The following SLC9A9 variants were observed in gnomAD, a reference collection of about 807,000 sequenced individuals.
SLC9A9 encodes solute carrier family 9 member A9.
Under a neutral mutation model 77.8 loss-of-function variants are expected in SLC9A9, and 62 were observed. The ratio of observed to expected loss-of-function variants is 0.80; its 90% CI spans 0.65 to 0.98. The LOEUF (loss-of-function observed/expected upper bound fraction) is 0.98, where lower values mean the gene tolerates loss of function less well. Ranked by LOEUF, SLC9A9 falls within the 50% of genes least tolerant of loss-of-function variation. The pLI, the probability that SLC9A9 is intolerant of heterozygous loss-of-function variation, is 0.00. For synonymous variants in SLC9A9, 320 were observed against 283.5 expected, an observed-to-expected ratio of 1.13 and a Z score of -1.29; for missense variants, 775 against 774.9, an observed-to-expected ratio of 1.00 and a Z score of 0.00.
At position 143,558,946 on chromosome 3, in the gene SLC9A9, G is replaced by A. The variant is rs577625651; in HGVS notation, c.1001-6496C>T. ...GTTCCCATAATCCCCATGTGTCATG[G>A]GAGGGTCCTGGTGGGAAGTAATTGG... On this transcript the variant is annotated intron_variant, in intron 8 of 15. Coordinates refer to ENST00000316549, the MANE Select transcript of SLC9A9 (RefSeq NM_173653.4). 2.0e-5 allele frequency among the ~76,000 whole-genome samples: 3 copies of A among 152,228 alleles called. No individual in the cohort carries two copies. In the South Asian group the frequency reaches 6.2e-4, roughly 32 times the overall value.
At chr3:143,671,210 T>C (rs1008309493) in intron 5 of SLC9A9, among the ~76,000 whole-genome samples, 1 of 152,220 alleles carries the variant, frequency 6.6e-6, no homozygotes, top group African/African-American at 2.4e-5. Flanking sequence ...AGCTTTTAAT[T>C]TGCTGCCAAT....
chr3:143,458,589 T>C (rs895603690), intron 12 of SLC9A9, among the ~76,000 whole-genome samples: 2 of 152,100 alleles, frequency 1.3e-5, no homozygotes, highest in African/African-American at 4.8e-5. Flanking sequence ...CTATATCTCA[T>C]TGTGTATGTG....
intron 12 of SLC9A9, among the ~76,000 whole-genome samples, chr3:143,425,701 A>G (rs2034391241): frequency 3.3e-5 from 5 of 152,194 alleles, no homozygotes. Context: ...ATTCAGTTTC[A>G]AGAACCCAGA....
chr3:143,397,737 C>T (rs1366961095), intron 12 of SLC9A9, among the ~76,000 whole-genome samples: 2 of 152,026 alleles, frequency 1.3e-5, no homozygotes, highest in African/African-American at 4.8e-5. Flanking sequence ...CACATTGCTG[C>T]TCTTTGATGT....
chr3:143,582,883 G>A (rs1303904206), intron 6 of SLC9A9, among the ~76,000 whole-genome samples: 3 of 152,076 alleles, frequency 2.0e-5, no homozygotes, highest in Admixed American at 6.6e-5. Flanking sequence ...AGGGTGGCTC[G>A]CTCCTGTAAT....
At chr3:143,409,273 T>C (rs1442440165) in intron 12 of SLC9A9, among the ~76,000 whole-genome samples, 3 of 152,200 alleles carry the variant, frequency 2.0e-5, no homozygotes, top group African/African-American at 4.8e-5. Context: ...AAAATAGTTA[T>C]CTGATCTTCC....
intron 2 of SLC9A9, among the ~76,000 whole-genome samples, chr3:143,826,839 A>G (rs2009312464): frequency 6.6e-6 from 1 of 152,098 alleles, no homozygotes; most frequent in Non-Finnish European, 1.5e-5. Context: ...CCCTTCTTAG[A>G]AATCTTTCCT....
At chr3:143,558,235 G>C (rs1001409477) in intron 8 of SLC9A9, among the ~76,000 whole-genome samples, 1 of 152,220 alleles carries the variant, frequency 6.6e-6, no homozygotes, top group Admixed American at 6.5e-5. Flanking sequence ...GTTTGCTACA[G>C]CAGTGGAGCC....
At chr3:143,627,076 T>C (rs1166353924) in intron 6 of SLC9A9, 1 of 152,288 alleles carries the variant, frequency 6.6e-6, no homozygotes, top group Non-Finnish European at 1.5e-5. Context: ...TTTCACTATA[T>C]TGACCAGGCT....
chr3:143,414,932 T>G (rs911514335), intron 12 of SLC9A9, among the ~76,000 whole-genome samples: 1 of 152,154 alleles, frequency 6.6e-6, no homozygotes, highest in Admixed American at 6.5e-5. Context: ...GAAGAGTTCT[T>G]GAAGGAAGTT....
chr3:143,335,893 G>A (rs890703523), intron 14 of SLC9A9, among the ~76,000 whole-genome samples: 13 of 152,030 alleles, frequency 8.6e-5, no homozygotes, highest in African/African-American at 3.1e-4. Flanking sequence ...GACAATAAAT[G>A]CAAAAATAGA....
At chr3:143,566,672 C>T (rs749454272) in intron 8 of SLC9A9, among the ~76,000 whole-genome samples, 1 of 152,094 alleles carries the variant, frequency 6.6e-6, no homozygotes, top group East Asian at 1.9e-4. Context: ...ACTCTTCCCC[C>T]TCCTCTGCCT....
chr3:143,371,646 A>G (rs1310659366), intron 13 of SLC9A9, among the ~76,000 whole-genome samples: 2 of 151,968 alleles, frequency 1.3e-5, no homozygotes, highest in Non-Finnish European at 2.9e-5. Flanking sequence ...TTAAAGACAA[A>G]GAGACAATAA....
chr3:143,587,472 G>A (rs1008552619), intron 6 of SLC9A9, among the ~76,000 whole-genome samples: 1 of 152,208 alleles, frequency 6.6e-6, no homozygotes, highest in Admixed American at 6.5e-5. Flanking sequence ...AGCTTTCTAG[G>A]CACCGAAGCA....
At chr3:143,806,941 T>A (rs1238461461) in intron 2 of SLC9A9, among the ~76,000 whole-genome samples, 2 of 152,198 alleles carry the variant, frequency 1.3e-5, no homozygotes, top group African/African-American at 4.8e-5. Flanking sequence ...ACCACTAAAA[T>A]TTTTAAAAGC....
At chr3:143,792,617 T>TG (rs1560081566) in intron 4 of SLC9A9, among the ~76,000 whole-genome samples, 1 of 152,132 alleles carries the variant, frequency 6.6e-6, no homozygotes, top group Non-Finnish European at 1.5e-5. Flanking sequence ...CTTCCTGTTT[T>TG]GGGGGTCCAA....
chr3:143,817,975 A>G (rs962014821), intron 2 of SLC9A9, among the ~76,000 whole-genome samples: 1 of 152,212 alleles, frequency 6.6e-6, no homozygotes, highest in African/African-American at 2.4e-5. Context: ...AGGTTATGAT[A>G]ATAAGTAAGT....
At chr3:143,774,350 A>G (rs190420805) in intron 4 of SLC9A9, among the ~76,000 whole-genome samples, 86 of 152,248 alleles carry the variant, frequency 5.6e-4, no homozygotes, top group African/African-American at 1.9e-3. Flanking sequence ...CAGGAGTTTG[A>G]TTTATTATTA....
intron 13 of SLC9A9, among the ~76,000 whole-genome samples, chr3:143,377,045 T>C (rs2033194955): frequency 6.6e-6 from 1 of 152,176 alleles, no homozygotes; most frequent in Admixed American, 6.5e-5. Context: ...TATGTTAAGA[T>C]TCATTATTCT....
Sources: allele counts gnomAD v4.1 joint callset (sites outside exome capture counted in the v4.1 genomes callset), GRCh38; gene constraint gnomAD v4.1.1; transcripts MANE v1.5; gene names NCBI Gene and HGNC (gene_info 2026-07-23, HGNC 2026-07-21).